Variants in PLXNA1 observed in about 807,000 individuals in gnomAD.
PLXNA1 encodes the protein plexin A1.
In PLXNA1, 77 loss-of-function variants were observed where a neutral mutation model predicts 191.7. The ratio of observed to expected loss-of-function variants is 0.40; its 90% CI spans 0.33 to 0.49. The LOEUF is 0.49. PLXNA1 is among the 20% of genes least tolerant of loss of function. The pLI is 0.63. For missense variants in PLXNA1, 2,110 were observed against 2,660.2 expected (o/e 0.79, Z 4.55); for synonymous variants, 1,137 against 1,156.4 (o/e 0.98, Z 0.34).
In PLXNA1 at chr3:127,012,462, C is replaced by T. The variant is rs73196553; in HGVS notation, c.2313+304C>T. 6.6e-3 allele frequency among the ~76,000 whole-genome samples: 1,011 copies of T among 152,344 alleles called. 7 individuals are homozygous for T. Among genetic ancestry groups the T allele is most frequent in the Non-Finnish European group, 0.011 (738 of 68,032 alleles). On this transcript the variant is annotated intron_variant, in intron 10 of 31. Transcript: ENST00000393409. ...GGACAGCAGCCAGCCTCATGGGACTCGCACATTGCAGCATCCGTGGGTCCC... is the reference window on the plus strand; with the variant it reads ...GGACAGCAGCCAGCCTCATGGGACTTGCACATTGCAGCATCCGTGGGTCCC...
intron 9 of PLXNA1, among the ~76,000 whole-genome samples, chr3:127,011,271 G>A (rs981805074): frequency 3.9e-5 from 6 of 152,134 alleles, no homozygotes; most frequent in Non-Finnish European, 7.4e-5. Flanking sequence ...GAGATTAGTG[G>A]TCATCTTGCC....
chr3:127,029,978 A>T lies in PLXNA1; in HGVS notation c.4975A>T (p.Asn1659Tyr). The change falls in exon 28 of 32, where the codon AAC (asparagine) becomes TAC (tyrosine). Residue 1659 changes from asparagine (N) to tyrosine (Y), a missense_variant. Coordinates refer to ENST00000393409, the MANE Select transcript of PLXNA1 (RefSeq NM_032242.4). ...SGTKLWHLVK[N>Y]HDHLDQREGD... The stretch of plus-strand genomic sequence containing the variant: ...CACCAAGCTGTGGCACCTGGTGAAG[A>T]ACCACGACCACCTGGACCAGCGTGA... 1 of 1,613,742 alleles carries T rather than the reference A, an allele frequency of 6.2e-7. No individual in the cohort carries two copies.
chr3:127,017,719 T>C (rs1166230604), intron 18 of PLXNA1, 30 bp from the exon 19 acceptor site: 1 of 1,613,238 alleles, frequency 6.2e-7, no homozygotes, highest in African/African-American at 1.3e-5. Context: ...CCCCTCGTCC[T>C]GGGCTCTGGC....
chr3:126,985,265 G>A lies in PLXNA1; in HGVS notation c.-74+1978G>A, dbSNP rs376593193. Reference sequence around the variant, plus strand: ...GGCGGCGATCCCCTCCTGTCCAGGAGAGGAGCCCCTGGGCTGGGGCTCCTG... The same window carrying A: ...GGCGGCGATCCCCTCCTGTCCAGGAAAGGAGCCCCTGGGCTGGGGCTCCTG... On this transcript the variant is annotated intron_variant, in intron 1 of 31. Transcript: ENST00000393409. Among the ~76,000 whole-genome samples the A allele has an allele frequency of 3.4e-4, 51 of 152,224 alleles. 1 individual carries two copies. In the East Asian group the frequency reaches 3.5e-3, roughly 10 times the overall value.
At chr3:127,005,055 G>A in intron 6 of PLXNA1, 35 bp from the exon 7 acceptor site, 1 of 1,610,854 alleles carries the variant, frequency 6.2e-7, no homozygotes, top group Non-Finnish European at 8.5e-7. Flanking sequence ...CAGCCATGGG[G>A]ACCCTGCTCA....
At chr3:127,003,582 C>G in intron 4 of PLXNA1, 112 bp downstream of exon 4, 2 of 1,259,540 alleles carry the variant, frequency 1.6e-6, no homozygotes, top group Non-Finnish European at 2.1e-6. Context: ...GCGTCCATGG[C>G]TCCTGGTAAA....
At chr3:127,022,042 G>A in intron 21 of PLXNA1, 43 bp from the exon 22 acceptor site, 2 of 1,588,212 alleles carry the variant, frequency 1.3e-6, no homozygotes, top group Non-Finnish European at 1.7e-6. Context: ...GGGGGCTGGG[G>A]CTGGGTGCTT....
intron 3 of PLXNA1, among the ~76,000 whole-genome samples, chr3:126,991,871 C>G (rs2078992521): frequency 6.6e-6 from 1 of 152,238 alleles, no homozygotes; most frequent in Non-Finnish European, 1.5e-5. Flanking sequence ...CACTTGACCT[C>G]CTGGGGAGGC....
intron 4 of PLXNA1, among the ~76,000 whole-genome samples, chr3:127,003,821 G>T (rs9846332): frequency 6.6e-6 from 1 of 152,224 alleles, no homozygotes; most frequent in Non-Finnish European, 1.5e-5. Context: ...AGGGTTTGGG[G>T]TGTGTACTGG....
Position 127,018,359 on chromosome 3 carries a change from G to A in PLXNA1, c.3726G>A (p.Thr1242=), listed in dbSNP as rs1198641116. ...AGGTGTACTCGGACAGCCTGCTGAC[G>A]CTGCCTGCCATTGTGGGCATTGGCG... ...TLQVYSDSLL[T]LPAIVGIGGG... The change falls in exon 20 of 32, where the codon ACG becomes ACA. Residue 1242 remains threonine, a synonymous_variant. Coordinates refer to ENST00000393409, the MANE Select transcript of PLXNA1 (RefSeq NM_032242.4). 9 of 1,612,976 alleles carry A rather than the reference G, an allele frequency of 5.6e-6. No homozygotes were observed. Among genetic ancestry groups the A allele is most frequent in the South Asian group, 1.1e-5 (1 of 91,072 alleles).
chr3:126,988,835 T>C lies in PLXNA1; in HGVS notation c.242T>C (p.Leu81Pro). Reference sequence around the variant, plus strand: ...AAGCTGTCGGGGAACCTGACACTGCTGCGGGCCCACGTCACGGGCCCTGTG... The same window carrying C: ...AAGCTGTCGGGGAACCTGACACTGCCGCGGGCCCACGTCACGGGCCCTGTG... ...IYKLSGNLTL[L>P]RAHVTGPVED... The change falls in exon 2 of 32, where the codon CTG becomes CCG. Residue 81 changes from leucine (L) to proline (P), a missense_variant. Physicochemically the swap from Leu to Pro is moderately conservative, Grantham distance 98. This residue lies in a region of PLXNA1 where 903 missense variants were observed against 1,015.7 expected (regional missense o/e 0.89). Coordinates refer to ENST00000393409, the MANE Select transcript of PLXNA1 (RefSeq NM_032242.4). 6.2e-7 allele frequency: 1 copy of C among 1,613,436 alleles called. No individual in the cohort carries two copies. The highest frequency in any genetic ancestry group is 8.5e-7 in the Non-Finnish European group (1 of 1,180,002).
Position 127,035,353 on chromosome 3 carries a change from C to T in PLXNA1, c.*1336C>T, listed in dbSNP as rs991016414. 6.6e-6 allele frequency: 1 copy of T among 152,196 alleles called. No homozygotes were observed. The highest frequency in any genetic ancestry group is 1.5e-5 in the Non-Finnish European group (1 of 68,036). The allele number at this position is 152,196 out of a possible 1,614,324, so 9.4% of individuals were successfully genotyped here. On this transcript the variant is annotated 3_prime_UTR_variant, in exon 32 of 32. Transcript: ENST00000393409. ...CAAGAAAATGAAGGCAGTGGGAAAG[C>T]AATGCCAAATGGTTGTGGAGAAAGT...
At chr3:127,015,099 G>C in intron 14 of PLXNA1, 85 bp from the exon 15 acceptor site, 4 of 1,531,486 alleles carry the variant, frequency 2.6e-6, no homozygotes, top group Non-Finnish European at 3.5e-6. Flanking sequence ...CTGTCTGTGG[G>C]GGTAAGCAGG....
At position 126,996,737 on chromosome 3, in the gene PLXNA1, G is replaced by A. The variant is rs531397938; in HGVS notation, c.1377+5171G>A. On this transcript the variant is annotated intron_variant, in intron 3 of 31. Transcript: ENST00000393409. ...GTGTGTTGTTGAGGGAGGGACAAGG[G>A]GAGTTGATTTCAATGACTTGCCCTT... Among the ~76,000 whole-genome samples the A allele has an allele frequency of 6.1e-4, 93 of 152,298 alleles. 1 individual carries two copies. Among genetic ancestry groups the A allele is most frequent in the Admixed American group, 1.2e-3 (19 of 15,288 alleles).
In PLXNA1 at chr3:127,026,789, G is replaced by T. The variant is rs56381251; in HGVS notation, c.4363-1151G>T. On this transcript the variant is annotated intron_variant, in intron 23 of 31. Coordinates refer to ENST00000393409, the MANE Select transcript of PLXNA1 (RefSeq NM_032242.4). ...CTGCCAAACCTGCCCCTCCATTGAG[G>T]TGTACACACACCTGAAGGCCCTTGG... 1,092 of 152,364 alleles carry T rather than the reference G, an allele frequency of 7.2e-3. 9 individuals are homozygous for T. The highest frequency in any genetic ancestry group is 0.012 in the Non-Finnish European group (804 of 68,062). 9.4% of individuals were successfully genotyped at this position (152,364 alleles called of 1,614,324 possible).
intron 25 of PLXNA1, 29 bp downstream of exon 25, chr3:127,028,369 GGT>G: frequency 6.3e-7 from 1 of 1,596,266 alleles, no homozygotes; most frequent in Non-Finnish European, 8.5e-7. Context: ...GGCTGCCCGG[GGT>G]GTGTGCTGGA....
At chr3:126,983,376 G>T (rs931034713) in intron 1 of PLXNA1, among the ~76,000 whole-genome samples, 89 bp downstream of exon 1, 1 of 145,372 alleles carries the variant, frequency 6.9e-6, no homozygotes, top group Non-Finnish European at 1.5e-5. Context: ...GCCCGTGGGT[G>T]GGCGCGGGGC....
rs755287048 is a variant in PLXNA1 at position 127,014,002 on chromosome 3, G to T, written c.2314-18G>T. 3.1e-6 allele frequency: 5 copies of T among 1,609,252 alleles called. No individual in the cohort carries two copies. Among genetic ancestry groups the T allele is most frequent in the Non-Finnish European group, 4.3e-6 (5 of 1,176,112 alleles). On this transcript the variant is annotated intron_variant, in intron 10 of 31. Transcript: ENST00000393409. ...AGGCCGCTTAGCTGGGAAGCCTGAC[G>T]GTGCCATCACCTAACAGTACTCCTA...
chr3:127,011,883 A>G (rs2079097319), intron 9 of PLXNA1, 75 bp from the exon 10 acceptor site: 2 of 1,372,724 alleles, frequency 1.5e-6, no homozygotes, highest in East Asian at 4.6e-5. Context: ...CCCAGTGCAC[A>G]TCTGGAGCGT....
Sources: gnomAD v4.1 joint callset for allele counts (sites outside exome capture counted in the v4.1 genomes callset) on GRCh38, gnomAD v4.1.1 for gene constraint, gnomAD v4.1.1 regional missense constraint, MANE v1.5 for transcripts, NCBI Gene and HGNC (gene_info 2026-07-23, HGNC 2026-07-21) for gene names.